Variants in TIMM29 observed in about 807,000 individuals in gnomAD.
The protein encoded by TIMM29 is translocase of inner mitochondrial membrane 29.
Under a neutral mutation model 19.5 loss-of-function variants are expected in TIMM29, and 23 were observed. That is an observed-to-expected ratio of 1.18 (90% CI 0.85 to 1.67). TIMM29 has a LOEUF of 1.67. Ranked by LOEUF, TIMM29 falls within the 40% of genes most tolerant of loss-of-function variation. TIMM29 has a pLI of 0.00. For missense variants in TIMM29, 404 were observed against 384.7 expected, an observed-to-expected ratio of 1.05 and a Z score of -0.42; for synonymous variants, 209 against 185.0, an observed-to-expected ratio of 1.13 and a Z score of -1.05.
Position 10,929,184 on chromosome 19 carries a change from G to A in TIMM29, c.265G>A (p.Glu89Lys). The A allele has an allele frequency of 6.8e-7, 1 of 1,460,004 alleles. No homozygotes were observed. Among genetic ancestry groups the A allele is most frequent in the African/African-American group, 1.5e-5 (1 of 68,790 alleles). 90.4% of individuals were successfully genotyped at this position (1,460,004 alleles called of 1,614,324 possible). The stretch of plus-strand genomic sequence containing the variant: ...GGGTGCCTTCGAGGAGGCGCTGCTG[G>A]AGGCGTCGGGGACCCTCCTGCTGCT... The part of the protein sequence containing the change: ...SEGAFEEALL[E>K]ASGTLLLLAP... Residue 89 changes from glutamate to lysine, a missense_variant, in exon 2 of 2, where the codon GAG becomes AAG. Transcript: ENST00000270502.
chr19:10,929,247 G>A lies in TIMM29; in HGVS notation c.328G>A (p.Val110Met), dbSNP rs774409982. The change falls in exon 2 of 2, where the codon GTG (valine) becomes ATG (methionine). Residue 110 changes from valine to methionine, a missense_variant. Val to Met is a conservative substitution (Grantham distance 21, BLOSUM62 1). Transcript: ENST00000270502. ...CCGCAACCGCGAGTCCGAAGCCTTC[G>A]TGCAGAGGCTGCTCTGGCTGCGGGG... Reference protein sequence around the residue: ...ATRNRESEAFVQRLLWLRGRG... With the variant: ...ATRNRESEAFMQRLLWLRGRG... 145 of 1,530,008 alleles carry A rather than the reference G, an allele frequency of 9.5e-5. No individual in the cohort carries two copies. Among genetic ancestry groups the A allele is most frequent in the Non-Finnish European group, 1.1e-4 (127 of 1,142,636 alleles). 94.8% of individuals were successfully genotyped at this position (1,530,008 alleles called of 1,614,324 possible). A position where few individuals can be genotyped will look rare whatever the true frequency, so the allele number is the denominator to read the frequency against.
chr19:10,929,607 G>A lies in TIMM29; in HGVS notation c.688G>A (p.Ala230Thr), dbSNP rs753435701. The change falls in exon 2 of 2, where the codon GCG (alanine) becomes ACG (threonine). Residue 230 changes from alanine (A) to threonine (T), a missense_variant. Physicochemically the swap from Ala to Thr is moderately conservative, Grantham distance 58. Transcript: ENST00000270502. ...VVLTDDQVDQ[A>T]LWEEQVLQKE... Reference sequence around the variant, plus strand: ...GCTCACCGACGATCAGGTGGACCAGGCGCTGTGGGAGGAGCAGGTCTTGCA... The same window carrying A: ...GCTCACCGACGATCAGGTGGACCAGACGCTGTGGGAGGAGCAGGTCTTGCA... 3.1e-6 allele frequency: 5 copies of A among 1,612,942 alleles called. No individual in the cohort carries two copies. The South Asian group carries it at 5.5e-5, about 18-fold the overall frequency.
At position 10,929,497 on chromosome 19, in the gene TIMM29, C is replaced by T; in HGVS notation, c.578C>T (p.Pro193Leu). ...AACGACGACGAATTCCTGCACCTGC[C>T]GGCGCATTTGCGGGTGGTCGGGCCC... is the stretch of plus-strand genomic sequence containing the variant. ...DINDDEFLHL[P>L]AHLRVVGPQQ... The change falls in exon 2 of 2, where the codon CCG (proline) becomes CTG (leucine). Residue 193 changes from proline to leucine, a missense_variant. Pro to Leu is a moderately conservative substitution (Grantham distance 98, BLOSUM62 -3). Transcript: ENST00000270502. 2 of 1,613,064 alleles carry T rather than the reference C, an allele frequency of 1.2e-6. No individual in the cohort carries two copies. The highest frequency in any genetic ancestry group is 1.7e-6 in the Non-Finnish European group (2 of 1,180,016).
Position 10,929,478 on chromosome 19 carries a change from G to C in TIMM29, c.559G>C (p.Asp187His). Residue 187 changes from aspartate to histidine, a missense_variant, in exon 2 of 2, where the codon GAC becomes CAC. Physicochemically the swap from Asp to His is moderately conservative, Grantham distance 81. Transcript: ENST00000270502. ...GATGCGCGACTGCGACATCAACGAC[G>C]ACGAATTCCTGCACCTGCCGGCGCA... ...AWMRDCDIND[D>H]EFLHLPAHLR... 6.2e-7 allele frequency: 1 copy of C among 1,613,038 alleles called. No homozygotes were observed. Among genetic ancestry groups the C allele is most frequent in the South Asian group, 1.1e-5 (1 of 91,090 alleles).
rs767486530 is a variant in TIMM29, at chr19:10,929,588, C to T, written c.669C>T (p.Thr223=). The part of the protein sequence containing the change: ...FDEKYKPVVL[T]DDQVDQALWE... ...AGAAGTACAAGCCTGTCGTGCTCAC[C>T]GACGATCAGGTGGACCAGGCGCTGT... is the stretch of plus-strand genomic sequence containing the variant. The change falls in exon 2 of 2, where the codon ACC becomes ACT. Residue 223 remains threonine (T), a synonymous_variant. Transcript: ENST00000270502. 3.1e-6 allele frequency: 5 copies of T among 1,612,960 alleles called. No individual in the cohort carries two copies. The highest frequency in any genetic ancestry group is 1.7e-5 in the Admixed American group (1 of 60,004).
Position 10,929,301 on chromosome 19 carries a change from G to C in TIMM29, c.382G>C (p.Gly128Arg), listed in dbSNP as rs1422755032. 7 of 1,546,536 alleles carry C rather than the reference G, an allele frequency of 4.5e-6. No homozygotes were observed. The highest frequency in any genetic ancestry group is 6.1e-6 in the Non-Finnish European group (7 of 1,150,314). Reference protein sequence around the residue: ...GRGRLRYVNLGLCSLVYEAPF... With the variant: ...GRGRLRYVNLRLCSLVYEAPF... ...TGGCCGCCTGCGCTACGTCAACCTGGGGCTCTGCTCGCTGGTGTACGAGGC... is the reference window on the plus strand; with the variant it reads ...TGGCCGCCTGCGCTACGTCAACCTGCGGCTCTGCTCGCTGGTGTACGAGGC... Residue 128 changes from glycine (G) to arginine (R), a missense_variant, in exon 2 of 2, where the codon GGG becomes CGG. Coordinates refer to ENST00000270502, the MANE Select transcript of TIMM29 (RefSeq NM_138358.4).
chr19:10,929,018 C>T lies in TIMM29; in HGVS notation c.99C>T (p.Ser33=). 1.4e-6 allele frequency: 2 copies of T among 1,464,402 alleles called. No homozygotes were observed. The highest frequency in any genetic ancestry group is 2.8e-5 in the Admixed American group (1 of 36,346). The allele number at this position is 1,464,402 out of a possible 1,614,324, so 90.7% of individuals were successfully genotyped here. The stretch of plus-strand genomic sequence containing the variant: ...ACCGCGCTCCTCTCCCCTCAGGGTC[C>T]TGGGCCCGCGCGCTGCTCCGGGACT... The part of the protein sequence containing the change: ...AKPGVWARLG[S]WARALLRDYA... The change falls in exon 2 of 2, where the codon TCC becomes TCT. Residue 33 remains serine (S), a synonymous_variant. Coordinates refer to ENST00000270502, the MANE Select transcript of TIMM29 (RefSeq NM_138358.4).
In TIMM29 at chr19:10,929,296, A is replaced by G. The variant is rs527929447; in HGVS notation, c.377A>G (p.Asn126Ser). Reference protein sequence around the residue: ...LRGRGRLRYVNLGLCSLVYEA... With the variant: ...LRGRGRLRYVSLGLCSLVYEA... ...GGCCGTGGCCGCCTGCGCTACGTCA[A>G]CCTGGGGCTCTGCTCGCTGGTGTAC... The change falls in exon 2 of 2, where the codon AAC becomes AGC. Residue 126 changes from asparagine to serine, a missense_variant. Transcript: ENST00000270502. 33 of 1,544,798 alleles carry G rather than the reference A, an allele frequency of 2.1e-5. No homozygotes were observed. The East Asian group carries it at 8.0e-4, about 37-fold the overall frequency.
rs1218911437 is a variant in TIMM29 at position 10,929,598 on chromosome 19, G to C, written c.679G>C (p.Val227Leu). 6.2e-7 allele frequency: 1 copy of C among 1,613,086 alleles called. No individual in the cohort carries two copies. The highest frequency in any genetic ancestry group is 8.5e-7 in the Non-Finnish European group (1 of 1,180,032). ...GCCTGTCGTGCTCACCGACGATCAG[G>C]TGGACCAGGCGCTGTGGGAGGAGCA... is the stretch of plus-strand genomic sequence containing the variant. ...YKPVVLTDDQ[V>L]DQALWEEQVL... Residue 227 changes from valine (V) to leucine (L), a missense_variant, in exon 2 of 2, where the codon GTG becomes CTG. Val to Leu is a conservative substitution (Grantham distance 32). Coordinates refer to ENST00000270502, the MANE Select transcript of TIMM29 (RefSeq NM_138358.4).
Position 10,929,744 on chromosome 19 carries a change from G to A in TIMM29, c.*42G>A. The stretch of plus-strand genomic sequence containing the variant: ...AGTCCTGGCAAACTGCTTGCCTGGG[G>A]TGGTGCAGTTCTGAGTGTGCCTCAC... On this transcript the variant is annotated 3_prime_UTR_variant, in exon 2 of 2. Transcript: ENST00000270502. The A allele has an allele frequency of 6.5e-7, 1 of 1,529,668 alleles. No individual in the cohort carries two copies. The highest frequency in any genetic ancestry group is 8.8e-7 in the Non-Finnish European group (1 of 1,133,130). The allele number at this position is 1,529,668 out of a possible 1,614,324, so 94.8% of individuals were successfully genotyped here. A position where few individuals can be genotyped will look rare whatever the true frequency, so the allele number is the denominator to read the frequency against.
chr19:10,929,645 G>C lies in TIMM29; in HGVS notation c.726G>C (p.Lys242Asn). Residue 242 changes from lysine to asparagine, a missense_variant, in exon 2 of 2, where the codon AAG (lysine) becomes AAC (asparagine). Physicochemically the swap from Lys to Asn is moderately conservative, Grantham distance 94. Transcript: ENST00000270502. ...WEEQVLQKEK[K>N]DRLALSQAHS... is the part of the protein sequence containing the mutation. The stretch of plus-strand genomic sequence containing the variant: ...AGCAGGTCTTGCAGAAGGAGAAGAA[G>C]GACAGGCTCGCCCTGAGCCAGGCCC... 6.2e-7 allele frequency: 1 copy of C among 1,612,930 alleles called. No homozygotes were observed.
Position 10,929,725 on chromosome 19 carries a change from G to C in TIMM29, c.*23G>C. ...TGAAACCCTGAGGCCCCCGAGTCCT[G>C]GCAAACTGCTTGCCTGGGGTGGTGC... On this transcript the variant is annotated 3_prime_UTR_variant, in exon 2 of 2. Transcript: ENST00000270502. The C allele has an allele frequency of 6.4e-7, 1 of 1,560,398 alleles. No individual in the cohort carries two copies. Among genetic ancestry groups the C allele is most frequent in the South Asian group, 1.2e-5 (1 of 85,880 alleles).
rs777646969 is a variant in TIMM29, at chr19:10,929,336, C to A, written c.417C>A (p.Asp139Glu). 3.0e-5 allele frequency: 47 copies of A among 1,569,076 alleles called. 1 individual carries two copies. In the South Asian group the frequency reaches 4.9e-4, roughly 16 times the overall value. The change falls in exon 2 of 2, where the codon GAC (aspartate) becomes GAA (glutamate). Residue 139 changes from aspartate (D) to glutamate (E), a missense_variant. Physicochemically the swap from Asp to Glu is conservative, Grantham distance 45 (BLOSUM62 2). Transcript: ENST00000270502. Reference sequence around the variant, plus strand: ...CGCTGGTGTACGAGGCGCCCTTCGACGCCCAGGCCAGCCTCTACCAGGCGC... The same window carrying A: ...CGCTGGTGTACGAGGCGCCCTTCGAAGCCCAGGCCAGCCTCTACCAGGCGC... ...LCSLVYEAPF[D>E]AQASLYQARC...
In TIMM29 at chr19:10,929,555, C is replaced by G. The variant is rs767040521; in HGVS notation, c.636C>G (p.Leu212=). Residue 212 remains leucine, a synonymous_variant, in exon 2 of 2, where the codon CTC becomes CTG. Coordinates refer to ENST00000270502, the MANE Select transcript of TIMM29 (RefSeq NM_138358.4). ...TGCATTCCGAGACCAACGAGCGGCT[C>G]TTCGATGAGAAGTACAAGCCTGTCG... is the stretch of plus-strand genomic sequence containing the variant. ...QQLHSETNER[L]FDEKYKPVVL... is the part of the protein sequence containing the mutation. The G allele has an allele frequency of 4.3e-6, 7 of 1,612,926 alleles. No individual in the cohort carries two copies. Among genetic ancestry groups the G allele is most frequent in the Non-Finnish European group, 5.9e-6 (7 of 1,180,026 alleles).
At position 10,929,448 on chromosome 19, in the gene TIMM29, G is replaced by T; in HGVS notation, c.529G>T (p.Ala177Ser). The stretch of plus-strand genomic sequence containing the variant: ...CGTGGGTCGCTGGTGGGTGCTGGGG[G>T]CCTGGATGCGCGACTGCGACATCAA... ...GFVGRWWVLG[A>S]WMRDCDINDD... The change falls in exon 2 of 2, where the codon GCC (alanine) becomes TCC (serine). Residue 177 changes from alanine (A) to serine (S), a missense_variant. By Grantham distance (99) the Ala-to-Ser change is moderately conservative. Coordinates refer to ENST00000270502, the MANE Select transcript of TIMM29 (RefSeq NM_138358.4). 1 of 1,612,716 alleles carries T rather than the reference G, an allele frequency of 6.2e-7. No homozygotes were observed. The highest frequency in any genetic ancestry group is 8.5e-7 in the Non-Finnish European group (1 of 1,179,988).
In TIMM29 at chr19:10,929,765, C is replaced by A; in HGVS notation, c.*63C>A. ...TGGGGTGGTGCAGTTCTGAGTGTGC[C>A]TCACCTGCAGAACAGCTGAGACAGA... On this transcript the variant is annotated 3_prime_UTR_variant, in exon 2 of 2. Transcript: ENST00000270502. 1 of 1,448,094 alleles carries A rather than the reference C, an allele frequency of 6.9e-7. No homozygotes were observed. Among genetic ancestry groups the A allele is most frequent in the Non-Finnish European group, 9.3e-7 (1 of 1,074,982 alleles). The allele number at this position is 1,448,094 out of a possible 1,614,324, so 89.7% of individuals were successfully genotyped here.
In TIMM29 at chr19:10,929,457, C is replaced by A. The variant is rs868567284; in HGVS notation, c.538C>A (p.Arg180Ser). 2 of 1,612,806 alleles carry A rather than the reference C, an allele frequency of 1.2e-6. No homozygotes were observed. Among genetic ancestry groups the A allele is most frequent in the Admixed American group, 1.7e-5 (1 of 60,020 alleles). Residue 180 changes from arginine to serine, a missense_variant, in exon 2 of 2, where the codon CGC becomes AGC. Transcript: ENST00000270502. ...GRWWVLGAWM[R>S]DCDINDDEFL... Reference sequence around the variant, plus strand: ...CTGGTGGGTGCTGGGGGCCTGGATGCGCGACTGCGACATCAACGACGACGA... The same window carrying A: ...CTGGTGGGTGCTGGGGGCCTGGATGAGCGACTGCGACATCAACGACGACGA...
In TIMM29 at chr19:10,929,288, C is replaced by G. The variant is rs1214345741; in HGVS notation, c.369C>G (p.Arg123=). Residue 123 remains arginine, a synonymous_variant, in exon 2 of 2, where the codon CGC becomes CGG. Coordinates refer to ENST00000270502, the MANE Select transcript of TIMM29 (RefSeq NM_138358.4). Reference sequence around the variant, plus strand: ...GGCTGCGGGGCCGTGGCCGCCTGCGCTACGTCAACCTGGGGCTCTGCTCGC... The same window carrying G: ...GGCTGCGGGGCCGTGGCCGCCTGCGGTACGTCAACCTGGGGCTCTGCTCGC... The part of the protein sequence containing the change: ...LLWLRGRGRL[R]YVNLGLCSLV... The G allele has an allele frequency of 1.9e-6, 3 of 1,541,952 alleles. No individual in the cohort carries two copies. The South Asian group carries it at 3.5e-5, about 18-fold the overall frequency.
In TIMM29 at chr19:10,928,974, C is replaced by T. The variant is rs1462778535; in HGVS notation, c.95-40C>T. The T allele has an allele frequency of 2.7e-6, 4 of 1,466,648 alleles. No individual in the cohort carries two copies. The African/African-American group carries it at 4.5e-5, about 16-fold the overall frequency. The allele number at this position is 1,466,648 out of a possible 1,614,324, so 90.9% of individuals were successfully genotyped here. On this transcript the variant is annotated intron_variant, in intron 1 of 1. Transcript: ENST00000270502. The stretch of plus-strand genomic sequence containing the variant: ...GCCGCCGCGACAGGGTGGGTGGCCG[C>T]CGCGGCCGGATCACTCTTACCGCGC...
Sources: allele counts gnomAD v4.1 joint callset, GRCh38; gene constraint gnomAD v4.1.1; transcripts MANE v1.5; gene names NCBI Gene and HGNC (gene_info 2026-07-23, HGNC 2026-07-21).